COL25A1: variants seen among roughly 807,000 people sequenced by gnomAD.
COL25A1 encodes the protein collagen type XXV alpha 1 chain.
COL25A1 carries 103 observed loss-of-function variants against 128.4 expected under a neutral mutation model. That is an observed-to-expected ratio of 0.80 (90% CI 0.68 to 0.94). The LOEUF is 0.94. COL25A1 is among the 40% of genes least tolerant of loss of function. COL25A1 has a pLI of 0.00. For synonymous variants in COL25A1, 279 were observed against 277.2 expected (o/e 1.01, Z -0.06); for missense variants, 745 against 840.0 (o/e 0.89, Z 1.40).
intron 3 of COL25A1, among the ~76,000 whole-genome samples, chr4:109,286,507 A>T (rs1229747548): frequency 6.6e-6 from 1 of 152,178 alleles, no homozygotes; most frequent in Non-Finnish European, 1.5e-5. Context: ...TTCTAAGAGA[A>T]CTAGCTGCAG....
At chr4:109,197,469 A>AT (rs1412044861) in intron 3 of COL25A1, among the ~76,000 whole-genome samples, 143 of 72,122 alleles carry the variant, frequency 2.0e-3, no homozygotes, top group East Asian at 7.7e-3. Flanking sequence ...AATATTATAT[A>AT]TAATATATAT....
chr4:108,867,719 C>A (rs781503636), intron 20 of COL25A1, among the ~76,000 whole-genome samples: 1 of 152,036 alleles, frequency 6.6e-6, no homozygotes, highest in Non-Finnish European at 1.5e-5. Context: ...TGAGGCAAAG[C>A]CTGCTATGGT....
chr4:109,141,458 T>A (rs1367105878), intron 3 of COL25A1, among the ~76,000 whole-genome samples: 1 of 152,174 alleles, frequency 6.6e-6, no homozygotes, highest in Non-Finnish European at 1.5e-5. Context: ...TAGAATTAGT[T>A]AGGGGAGATT....
intron 19 of COL25A1, among the ~76,000 whole-genome samples, chr4:108,873,490 CCTTATCTTACAGGCTTA>C (rs1739016466): frequency 6.6e-6 from 1 of 151,510 alleles, no homozygotes; most frequent in Non-Finnish European, 1.5e-5. Context: ...TTATTGTTTC[CCTTATCTTACAGGCTTA>C]CAAATGTTAG....
rs983267736 is a variant in COL25A1, at chr4:108,832,451, T to C, written c.1657-18A>G. 6 of 1,555,240 alleles carry C rather than the reference T, an allele frequency of 3.9e-6. No homozygotes were observed. Among genetic ancestry groups the C allele is most frequent in the Non-Finnish European group, 5.3e-6 (6 of 1,134,466 alleles). On this transcript the variant is annotated intron_variant, in intron 31 of 37. Coordinates refer to ENST00000399132, the MANE Select transcript of COL25A1 (RefSeq NM_198721.4). ...TCTGTACCCTAAAAAAAAGATAATA[T>C]GAGATATATCACAAGGGCTGCAAGA...
At chr4:108,899,078 G>T in intron 15 of COL25A1, 76 bp downstream of exon 15, 1 of 1,435,176 alleles carries the variant, frequency 7.0e-7, no homozygotes, top group Non-Finnish European at 9.7e-7. Flanking sequence ...CATGCATATA[G>T]TTTAGTTTGA....
chr4:109,254,623 T>C (rs1046354265), intron 3 of COL25A1, among the ~76,000 whole-genome samples: 1 of 151,104 alleles, frequency 6.6e-6, no homozygotes, highest in Non-Finnish European at 1.5e-5. Flanking sequence ...AATGATGATG[T>C]ACTCATCTTT....
intron 3 of COL25A1, among the ~76,000 whole-genome samples, chr4:109,191,271 G>A (rs778624810): frequency 6.6e-6 from 1 of 152,144 alleles, no homozygotes; most frequent in Non-Finnish European, 1.5e-5. Flanking sequence ...GGAAAAATAC[G>A]TTCTTGTGGG....
intron 3 of COL25A1, among the ~76,000 whole-genome samples, chr4:109,209,968 T>C (rs1777364842): frequency 6.6e-6 from 1 of 151,938 alleles, no homozygotes; most frequent in African/African-American, 2.4e-5. Flanking sequence ...GGAGAATTGC[T>C]TGAACCTGGG....
chr4:109,083,655 G>C (rs575807076), intron 3 of COL25A1, among the ~76,000 whole-genome samples: 1 of 151,582 alleles, frequency 6.6e-6, no homozygotes, highest in Non-Finnish European at 1.5e-5. Flanking sequence ...GTAGAGACGG[G>C]GTTTCACTAT....
chr4:108,933,992 C>G (rs933796863), intron 11 of COL25A1, among the ~76,000 whole-genome samples: 1 of 151,792 alleles, frequency 6.6e-6, no homozygotes, highest in African/African-American at 2.4e-5. Flanking sequence ...GGGTATATAC[C>G]CAAAGGATTA....
At chr4:109,126,281 T>G (rs1334796144) in intron 3 of COL25A1, among the ~76,000 whole-genome samples, 1 of 152,188 alleles carries the variant, frequency 6.6e-6, no homozygotes, top group East Asian at 1.9e-4. Flanking sequence ...TTAACTTACT[T>G]TATTTTGTAT....
chr4:109,118,806 A>T (rs1466905980), intron 3 of COL25A1, among the ~76,000 whole-genome samples: 3 of 151,978 alleles, frequency 2.0e-5, no homozygotes, highest in Admixed American at 6.6e-5. Flanking sequence ...CTCTGTCAGA[A>T]ATGGACAGAT....
rs1472193077 is a variant in COL25A1, at chr4:109,288,960, TATACACACACAC to T, written c.367+11611_367+11622del. Among the ~76,000 whole-genome samples the T allele has an allele frequency of 0.011, 1,062 of 98,304 alleles. 43 individuals carry two copies. The South Asian group carries it at 0.17, about 16-fold the overall frequency. The allele number at this position is 98,304 out of a possible 152,430, so 64.5% of individuals were successfully genotyped here. On this transcript the variant is annotated intron_variant, in intron 3 of 37. Coordinates refer to ENST00000399132, the MANE Select transcript of COL25A1 (RefSeq NM_198721.4). ...TTACTACCAGGAATACTAAATTATA[TATACACACACAC>T]ACACACACACACACACACACACACA...
intron 3 of COL25A1, among the ~76,000 whole-genome samples, chr4:109,118,367 C>CA (rs1767796692): frequency 9.6e-6 from 1 of 104,528 alleles, no homozygotes; most frequent in African/African-American, 6.0e-5. Flanking sequence ...ATTCGCACCA[C>CA]AAAAAAAGAT....
chr4:109,078,627 G>T (rs1234308627), intron 3 of COL25A1, among the ~76,000 whole-genome samples: 1 of 151,408 alleles, frequency 6.6e-6, no homozygotes, highest in East Asian at 2.0e-4. Context: ...TTACACAAAA[G>T]CCCATCCAAA....
At chr4:109,163,705 C>G (rs1772800315) in intron 3 of COL25A1, among the ~76,000 whole-genome samples, 1 of 152,194 alleles carries the variant, frequency 6.6e-6, no homozygotes, top group Non-Finnish European at 1.5e-5. Flanking sequence ...TGGAAGTCAG[C>G]TCAGCTCTTG....
intron 3 of COL25A1, among the ~76,000 whole-genome samples, chr4:109,135,649 CT>C (rs33959697): frequency 5.3e-5 from 8 of 151,398 alleles, no homozygotes; most frequent in Non-Finnish European, 1.0e-4. Context: ...TTAAATGGAG[CT>C]TTTTTTTTCT....
intron 3 of COL25A1, among the ~76,000 whole-genome samples, chr4:109,099,522 T>C (rs1765697890): frequency 1.3e-5 from 2 of 149,686 alleles, no homozygotes. Flanking sequence ...CAAAAATAAA[T>C]AGAAAAAAAT....
Sources: gnomAD v4.1 joint callset for allele counts (sites outside exome capture counted in the v4.1 genomes callset) on GRCh38, gnomAD v4.1.1 for gene constraint, MANE v1.5 for transcripts, NCBI Gene and HGNC (gene_info 2026-07-23, HGNC 2026-07-21) for gene names.